LEPR: variants seen among roughly 807,000 people sequenced by gnomAD.
LEPR encodes OB receptor.
A neutral mutation model predicts 114.7 loss-of-function variants in LEPR; 56 were observed. That is an observed-to-expected ratio of 0.49 (90% CI 0.39 to 0.61). The LOEUF (loss-of-function observed/expected upper bound fraction) is 0.61, where lower values mean the gene tolerates loss of function less well. LEPR is among the 20% of genes least tolerant of loss of function. LEPR has a pLI of 0.00. For synonymous variants in LEPR, 443 were observed against 461.4 expected, an observed-to-expected ratio of 0.96 and a Z score of 0.51; for missense variants, 1,202 against 1,352.9, an observed-to-expected ratio of 0.89 and a Z score of 1.75.
At chr1:65,634,866 A>C (rs750285259) in intron 19 of LEPR, 7 of 876,126 alleles carry the variant, frequency 8.0e-6, no homozygotes, top group Admixed American at 6.2e-5. Context: ...ATAAAACCAT[A>C]GATTTCTTTC....
intron 3 of LEPR, among the ~76,000 whole-genome samples, chr1:65,570,245 A>G (rs896840271): frequency 6.6e-6 from 1 of 152,220 alleles, no homozygotes; most frequent in Non-Finnish European, 1.5e-5. Flanking sequence ...TGAGTCTTCA[A>G]AAAGAAAAGA....
intron 2 of LEPR, among the ~76,000 whole-genome samples, chr1:65,509,417 AC>A (rs1461524341): frequency 6.6e-6 from 1 of 151,638 alleles, no homozygotes; most frequent in Admixed American, 6.6e-5. Context: ...ATTCTGTCAA[AC>A]CCTTTTCTGC....
chr1:65,481,462 T>C (rs1174916113), intron 2 of LEPR, among the ~76,000 whole-genome samples: 2 of 152,098 alleles, frequency 1.3e-5, no homozygotes, highest in East Asian at 1.9e-4. Context: ...TCCTAGTAGA[T>C]AGAGACTGTG....
chr1:65,538,468 C>A (rs1173615013), intron 2 of LEPR, among the ~76,000 whole-genome samples: 1 of 152,012 alleles, frequency 6.6e-6, no homozygotes, highest in African/African-American at 2.4e-5. Context: ...TTGGTTTTCT[C>A]CTCATTTTGC....
rs1235337053 is a variant in LEPR, at chr1:65,636,810, C to T, written c.3293C>T (p.Ser1098Leu). ...AGTGGTGTGCTTTTGACTGACAAGT[C>T]AAGGGTATCGTGCCCATTCCCAGCC... ...RESGVLLTDK[S>L]RVSCPFPAPC... Residue 1098 changes from serine (S) to leucine (L), a missense_variant, in exon 20 of 20, where the codon TCA becomes TTA. Ser to Leu is a moderately radical substitution (Grantham distance 145). Transcript: ENST00000349533. 1.9e-6 allele frequency: 3 copies of T among 1,613,862 alleles called. No homozygotes were observed. The highest frequency in any genetic ancestry group is 2.5e-6 in the Non-Finnish European group (3 of 1,179,968).
At chr1:65,591,685 G>A (rs368155483) in intron 5 of LEPR, among the ~76,000 whole-genome samples, 112 of 151,706 alleles carry the variant, frequency 7.4e-4, no homozygotes, top group African/African-American at 2.5e-3. Context: ...ATCTTTTCCC[G>A]TTCATTTCCT....
chr1:65,636,311 G>C lies in LEPR; in HGVS notation c.2794G>C (p.Asp932His), dbSNP rs775396567. The change falls in exon 20 of 20, where the codon GAT (aspartate) becomes CAT (histidine). Residue 932 changes from aspartate (D) to histidine (H), a missense_variant. Coordinates refer to ENST00000349533, the MANE Select transcript of LEPR (RefSeq NM_002303.6). ...TGTTGATACATCATGGAAAAATAAA[G>C]ATGAGATGATGCCAACAACTGTGGT... ...ISVDTSWKNK[D>H]EMMPTTVVSL... is the part of the protein sequence containing the mutation. 1.5e-5 allele frequency: 24 copies of C among 1,613,886 alleles called. No homozygotes were observed. Among genetic ancestry groups the C allele is most frequent in the Non-Finnish European group, 1.9e-5 (22 of 1,179,954 alleles).
intron 3 of LEPR, among the ~76,000 whole-genome samples, chr1:65,570,214 T>C (rs574032445): frequency 6.6e-6 from 1 of 152,270 alleles, no homozygotes; most frequent in South Asian, 2.1e-4. Context: ...AAATGTCAGC[T>C]TAAAGAGAAA....
rs138473950 is a variant in LEPR at position 65,461,100 on chromosome 1, C to T, written c.-21+35722C>T. ...AAGCAATTCTCCTGTCTCAGCCTCC[C>T]GAGTAAGTGGGATTACAGGCGCCCG... On this transcript the variant is annotated intron_variant, in intron 2 of 19. Coordinates refer to ENST00000349533, the MANE Select transcript of LEPR (RefSeq NM_002303.6). Among the ~76,000 whole-genome samples the T allele has an allele frequency of 7.7e-3, 1,162 of 151,524 alleles. 24 individuals carry two copies. The highest frequency in any genetic ancestry group is 0.054 in the East Asian group (273 of 5,084).
rs553579834 is a variant in LEPR at position 65,611,339 on chromosome 1, T to G, written c.1995+1043T>G. Reference sequence around the variant, plus strand: ...CTCCCGGGGAATTCAGGACCTGTATTCTGAGAGATTGAGTGGGCGGTTGAA... The same window carrying G: ...CTCCCGGGGAATTCAGGACCTGTATGCTGAGAGATTGAGTGGGCGGTTGAA... On this transcript the variant is annotated intron_variant, in intron 14 of 19. Transcript: ENST00000349533. 2.5e-3 allele frequency among the ~76,000 whole-genome samples: 380 copies of G among 152,322 alleles called. 1 individual carries two copies. The highest frequency in any genetic ancestry group is 4.2e-3 in the Non-Finnish European group (283 of 68,020).
At chr1:65,485,761 T>A (rs1252550152) in intron 2 of LEPR, among the ~76,000 whole-genome samples, 3 of 152,168 alleles carry the variant, frequency 2.0e-5, no homozygotes, top group Non-Finnish European at 4.4e-5. Context: ...ACAATATTGC[T>A]TATAAAAATG....
chr1:65,459,540 C>T (rs899099398), intron 2 of LEPR, among the ~76,000 whole-genome samples: 1 of 152,152 alleles, frequency 6.6e-6, no homozygotes, highest in Non-Finnish European at 1.5e-5. Flanking sequence ...GGAAGTGGAG[C>T]TCCTTCTTCC....
intron 8 of LEPR, among the ~76,000 whole-genome samples, chr1:65,600,010 C>T (rs1570787938): frequency 6.6e-6 from 1 of 151,910 alleles, no homozygotes; most frequent in East Asian, 1.9e-4. Flanking sequence ...AATCTTATTT[C>T]TCAGTTAAGC....
At chr1:65,570,035 T>C (rs1654047516) in intron 3 of LEPR, among the ~76,000 whole-genome samples, 1 of 152,186 alleles carries the variant, frequency 6.6e-6, no homozygotes, top group South Asian at 2.1e-4. Context: ...TAAATACATA[T>C]TAAAATAGCA....
chr1:65,481,475 T>G (rs1180190698), intron 2 of LEPR, among the ~76,000 whole-genome samples: 2 of 152,182 alleles, frequency 1.3e-5, no homozygotes, highest in African/African-American at 4.8e-5. Flanking sequence ...AGACTGTGGT[T>G]GTTTTACAGG....
chr1:65,520,330 C>T (rs957018693), intron 2 of LEPR, among the ~76,000 whole-genome samples: 1 of 152,110 alleles, frequency 6.6e-6, no homozygotes, highest in African/African-American at 2.4e-5. Context: ...CCACCAGTGG[C>T]GTCTGTAGCT....
At chr1:65,434,049 A>AT in intron 2 of LEPR, 1 of 985,340 alleles carries the variant, frequency 1.0e-6, no homozygotes, top group Non-Finnish European at 1.2e-6. Flanking sequence ...GCTTATACAC[A>AT]TTTTCAATAA....
Position 65,542,657 on chromosome 1 carries a change from C to T in LEPR, c.-20-22889C>T, listed in dbSNP as rs574487462. ...GGCCCTGGTGTGTGATGTTTCTCTC[C>T]CTGTGTCCATGTGTTCTCATTGTTC... is the stretch of plus-strand genomic sequence containing the variant. On this transcript the variant is annotated intron_variant, in intron 2 of 19. Coordinates refer to ENST00000349533, the MANE Select transcript of LEPR (RefSeq NM_002303.6). 2.6e-5 allele frequency among the ~76,000 whole-genome samples: 4 copies of T among 151,904 alleles called. No homozygotes were observed. The South Asian group carries it at 8.3e-4, about 32-fold the overall frequency.
At chr1:65,573,739 A>G (rs1412279497) in intron 5 of LEPR, among the ~76,000 whole-genome samples, 2 of 152,176 alleles carry the variant, frequency 1.3e-5, no homozygotes, top group East Asian at 3.8e-4. Flanking sequence ...ACAGAAAGTA[A>G]AGCGGGGCTG....
Sources: gnomAD v4.1 joint callset for allele counts (sites outside exome capture counted in the v4.1 genomes callset) on GRCh38, gnomAD v4.1.1 for gene constraint, MANE v1.5 for transcripts, NCBI Gene and HGNC (gene_info 2026-07-23, HGNC 2026-07-21) for gene names.